CCDC18: variants seen among roughly 807,000 people sequenced by gnomAD.
CCDC18 encodes the protein coiled-coil domain containing 18, also known as coiled-coil domain-containing protein 18.
A neutral mutation model predicts 196.0 loss-of-function variants in CCDC18; 157 were observed. The observed-to-expected ratio is 0.80, with a 90% CI of 0.70 to 0.91. The LOEUF (loss-of-function observed/expected upper bound fraction) is 0.91, where lower values mean the gene tolerates loss of function less well. Ranked by LOEUF, CCDC18 falls within the 40% of genes least tolerant of loss-of-function variation. The pLI is 0.00. For missense variants in CCDC18, 1,465 were observed against 1,611.6 expected (o/e 0.91, Z 1.56); for synonymous variants, 482 against 529.2 (o/e 0.91, Z 1.22).
chr1:93,205,409 C>T, intron 7 of CCDC18, 101 bp from the exon 8 acceptor site: 1 of 998,068 alleles, frequency 1.0e-6, no homozygotes, highest in Non-Finnish European at 1.4e-6. Context: ...AATTCTTAGT[C>T]TACTCTCCTG....
intron 19 of CCDC18, among the ~76,000 whole-genome samples, 198 bp downstream of exon 19, chr1:93,236,588 C>A (rs564769779): frequency 6.6e-6 from 1 of 152,244 alleles, no homozygotes; most frequent in Admixed American, 6.5e-5. Context: ...ATGCTTTTAA[C>A]CTTCCTACTA....
intron 1 of CCDC18, 42 bp downstream of exon 1, chr1:93,180,894 C>T: frequency 2.9e-6 from 4 of 1,362,952 alleles, no homozygotes; most frequent in Non-Finnish European, 3.9e-6. Context: ...TGAGCGACTG[C>T]GCCTTGGCGT....
chr1:93,184,076 A>C lies in CCDC18; in HGVS notation c.233A>C (p.Tyr78Ser), dbSNP rs1650211288. ...CCTAGCCACCCTGGACTTTTGAATT[A>C]TTCACCTTATGAAAACGTCTGTAAA... ...VQPSHPGLLN[Y>S]SPYENVCKIS... Residue 78 changes from tyrosine (Y) to serine (S), a missense_variant, in exon 3 of 29, where the codon TAT becomes TCT. By Grantham distance (144) the Tyr-to-Ser change is moderately radical. Transcript: ENST00000690025. The C allele has an allele frequency of 6.3e-7, 1 of 1,584,510 alleles. No homozygotes were observed. Among genetic ancestry groups the C allele is most frequent in the Admixed American group, 1.7e-5 (1 of 58,864 alleles).
intron 17 of CCDC18, among the ~76,000 whole-genome samples, chr1:93,230,296 T>G (rs1659032850): frequency 1.3e-5 from 2 of 150,706 alleles, no homozygotes; most frequent in African/African-American, 4.9e-5. Flanking sequence ...GGTCAGGAGA[T>G]CTAACACGGT....
upstream of CCDC18, chr1:93,179,948 C>T (rs1228917752): frequency 2.4e-6 from 3 of 1,274,836 alleles, no homozygotes; most frequent in Non-Finnish European, 3.2e-6. Flanking sequence ...CGGCCCTCGC[C>T]TCTTCACCAC....
intron 17 of CCDC18, among the ~76,000 whole-genome samples, chr1:93,229,143 A>G (rs1210728948): frequency 6.6e-6 from 1 of 152,198 alleles, no homozygotes; most frequent in African/African-American, 2.4e-5. Context: ...ACTGAATTAG[A>G]AACCAGAAGT....
chr1:93,241,466 G>A (rs1281536549), intron 21 of CCDC18, among the ~76,000 whole-genome samples: 1 of 151,968 alleles, frequency 6.6e-6, no homozygotes, highest in Non-Finnish European at 1.5e-5. Context: ...GCTCACGCCT[G>A]TAATCCCAAC....
chr1:93,245,984 G>A (rs1661447252), intron 21 of CCDC18, 121 bp from the exon 22 acceptor site: 2 of 518,906 alleles, frequency 3.9e-6, no homozygotes, highest in Admixed American at 3.6e-5. Context: ...CTTTCAATCT[G>A]ACTTGATTGC....
chr1:93,180,510 C>T (rs369220752), upstream of CCDC18: 400 of 1,538,240 alleles, frequency 2.6e-4, no homozygotes, highest in Non-Finnish European at 3.2e-4. Context: ...CCGCCTCTCC[C>T]CCTGACGGCC....
At chr1:93,270,036 T>C (rs563462836) in intron 27 of CCDC18, among the ~76,000 whole-genome samples, 1 of 152,290 alleles carries the variant, frequency 6.6e-6, no homozygotes, top group South Asian at 2.1e-4. Flanking sequence ...GAGAAATTTT[T>C]AGGTGTAAGA....
chr1:93,255,784 GGAA>G (rs1161092300), intron 24 of CCDC18, among the ~76,000 whole-genome samples: 2 of 150,092 alleles, frequency 1.3e-5, no homozygotes, highest in Admixed American at 6.6e-5. Flanking sequence ...AGGAAGAAGA[GGAA>G]GAAGAAGGAG....
chr1:93,215,047 A>G, intron 12 of CCDC18, 81 bp downstream of exon 12: 1 of 843,176 alleles, frequency 1.2e-6, no homozygotes, highest in East Asian at 2.8e-5. Context: ...TATAAAAATT[A>G]TATGTTTACA....
At chr1:93,189,911 C>T (rs1322292632) in intron 4 of CCDC18, among the ~76,000 whole-genome samples, 5 of 152,166 alleles carry the variant, frequency 3.3e-5, no homozygotes, top group Non-Finnish European at 7.4e-5. Flanking sequence ...AAGCGATCCA[C>T]CCACCTCCCA....
At chr1:93,220,980 A>G (rs1191120563) in intron 14 of CCDC18, among the ~76,000 whole-genome samples, 1 of 152,214 alleles carries the variant, frequency 6.6e-6, no homozygotes, top group South Asian at 2.1e-4. Context: ...TTATGGCTGC[A>G]TAGTATTCCA....
At chr1:93,234,990 CT>C (rs1222470671) in intron 18 of CCDC18, among the ~76,000 whole-genome samples, 162 of 70,786 alleles carry the variant, frequency 2.3e-3, no homozygotes, top group Non-Finnish European at 3.2e-3. Flanking sequence ...CTTTTTTTTT[CT>C]TTTTTTTTTT....
chr1:93,189,111 T>A (rs1651260525), intron 4 of CCDC18, among the ~76,000 whole-genome samples: 1 of 152,102 alleles, frequency 6.6e-6, no homozygotes, highest in Admixed American at 6.6e-5. Context: ...TCCCCACCTC[T>A]CCCCACCCCA....
intron 27 of CCDC18, among the ~76,000 whole-genome samples, chr1:93,268,742 G>A (rs1011438814): frequency 2.6e-5 from 4 of 151,992 alleles, no homozygotes; most frequent in African/African-American, 7.3e-5. Flanking sequence ...TCTCACACCA[G>A]TTAGAATGGT....
chr1:93,203,375 T>G (rs970385005), intron 7 of CCDC18, among the ~76,000 whole-genome samples: 9 of 152,184 alleles, frequency 5.9e-5, no homozygotes, highest in Non-Finnish European at 1.0e-4. Context: ...GGCTTTTGTA[T>G]CTATAGGTCT....
intron 28 of CCDC18, among the ~76,000 whole-genome samples, chr1:93,275,133 C>T (rs940114972): frequency 1.1e-4 from 17 of 151,998 alleles, no homozygotes; most frequent in African/African-American, 3.9e-4. Context: ...TTTTTTGAGG[C>T]AGAGTCTTGT....
Sources: allele counts gnomAD v4.1 joint callset (sites outside exome capture counted in the v4.1 genomes callset), GRCh38; gene constraint gnomAD v4.1.1; transcripts MANE v1.5; gene names NCBI Gene and HGNC (gene_info 2026-07-23, HGNC 2026-07-21).